Variants in UCHL3 observed in about 807,000 individuals in gnomAD.
UCHL3 encodes the protein ubiquitin C-terminal hydrolase L3.
Under a neutral mutation model 35.8 loss-of-function variants are expected in UCHL3, and 22 were observed. The observed-to-expected ratio is 0.61, with a 90% confidence interval of 0.44 to 0.88. The LOEUF is 0.88. Ranked by LOEUF, UCHL3 falls within the 40% of genes least tolerant of loss-of-function variation. The pLI is 0.00. For synonymous variants in UCHL3, 90 were observed against 92.8 expected (o/e 0.97, Z 0.17); for missense variants, 229 against 276.9 (o/e 0.83, Z 1.23).
At chr13:75,582,603 C>G (rs2032217188) in intron 6 of UCHL3, among the ~76,000 whole-genome samples, 1 of 152,188 alleles carries the variant, frequency 6.6e-6, no homozygotes, top group Admixed American at 6.5e-5. Flanking sequence ...AAAGTGAACT[C>G]TCTTTAAGAC....
intron 5 of UCHL3, among the ~76,000 whole-genome samples, chr13:75,567,770 A>G (rs1451043032): frequency 6.6e-6 from 1 of 151,838 alleles, no homozygotes; most frequent in Non-Finnish European, 1.5e-5. Context: ...CTGGTCTCGA[A>G]CTCCTGGCCT....
At chr13:75,600,292 G>T (rs1305341931) in intron 7 of UCHL3, among the ~76,000 whole-genome samples, 3 of 152,216 alleles carry the variant, frequency 2.0e-5, no homozygotes, top group African/African-American at 7.2e-5. Flanking sequence ...TTCCGTGAAG[G>T]TGGCTACGTA....
intron 6 of UCHL3, among the ~76,000 whole-genome samples, chr13:75,580,095 T>G (rs1014457491): frequency 1.3e-5 from 2 of 152,178 alleles, no homozygotes; most frequent in African/African-American, 4.8e-5. Context: ...GGCATCTTGA[T>G]TTATTAGGTG....
At position 75,590,595 on chromosome 13, in the gene UCHL3, TACTC is replaced by T. The variant is rs2032455914; in HGVS notation, c.475-4319_475-4316del. On this transcript the variant is annotated intron_variant, in intron 6 of 8. Coordinates refer to ENST00000377595, the MANE Select transcript of UCHL3 (RefSeq NM_006002.5). ...TGCCATGCTCTGGGGTTACTTTACT[TACTC>T]TATTCTCAATCTAAATCCTTCATGG... is the stretch of plus-strand genomic sequence containing the variant. Among the ~76,000 whole-genome samples the T allele has an allele frequency of 2.0e-5, 3 of 152,168 alleles. No homozygotes were observed. In the South Asian group the frequency reaches 6.2e-4, roughly 31 times the overall value.
intron 2 of UCHL3, among the ~76,000 whole-genome samples, chr13:75,557,220 A>G (rs2031322699): frequency 6.6e-6 from 1 of 152,130 alleles, no homozygotes; most frequent in Non-Finnish European, 1.5e-5. Flanking sequence ...TGTCTGAAAA[A>G]AAAAAAGGAA....
At chr13:75,592,458 A>AGCAGGAG (rs2032533268) in intron 6 of UCHL3, among the ~76,000 whole-genome samples, 1 of 117,620 alleles carries the variant, frequency 8.5e-6, no homozygotes. Context: ...ATATATATAT[A>AGCAGGAG]TATATATATG....
intron 6 of UCHL3, among the ~76,000 whole-genome samples, chr13:75,572,446 GT>G (rs749414290): frequency 6.6e-6 from 1 of 152,066 alleles, no homozygotes; most frequent in East Asian, 1.9e-4. Flanking sequence ...TCCCATCTTA[GT>G]GGTTCACAAA....
At chr13:75,552,332 A>G (rs952024819) in intron 2 of UCHL3, among the ~76,000 whole-genome samples, 1 of 152,222 alleles carries the variant, frequency 6.6e-6, no homozygotes, top group African/African-American at 2.4e-5. Context: ...TAACAGCAAT[A>G]TCCATCCCAC....
intron 6 of UCHL3, among the ~76,000 whole-genome samples, chr13:75,573,185 A>G (rs1593737030): frequency 1.3e-5 from 2 of 150,050 alleles, no homozygotes; most frequent in African/African-American, 4.9e-5. Context: ...AATCGCTTGA[A>G]CTCGGGAGGC....
chr13:75,587,067 A>G (rs1379495508), intron 6 of UCHL3, among the ~76,000 whole-genome samples: 1 of 151,058 alleles, frequency 6.6e-6, no homozygotes, highest in African/African-American at 2.4e-5. Context: ...CATAAAAGGT[A>G]GAAATAACAA....
chr13:75,598,570 G>C (rs1311550375), intron 7 of UCHL3, among the ~76,000 whole-genome samples: 2 of 152,114 alleles, frequency 1.3e-5, no homozygotes, highest in Admixed American at 1.3e-4. Flanking sequence ...TAAGAGTATA[G>C]GGCCAGTTAC....
chr13:75,587,035 AG>A (rs1185059036), intron 6 of UCHL3, among the ~76,000 whole-genome samples: 7 of 150,896 alleles, frequency 4.6e-5, no homozygotes, highest in Non-Finnish European at 1.0e-4. Flanking sequence ...AAAAAAAAAA[AG>A]AGCAAATTAA....
intron 3 of UCHL3, among the ~76,000 whole-genome samples, chr13:75,564,383 C>T (rs970460276): frequency 1.3e-5 from 2 of 151,986 alleles, no homozygotes; most frequent in Non-Finnish European, 2.9e-5. Context: ...ATCTCCTGAC[C>T]TCGTGATCCA....
At chr13:75,551,594 A>G (rs1230723577) in intron 2 of UCHL3, among the ~76,000 whole-genome samples, 2 of 152,230 alleles carry the variant, frequency 1.3e-5, no homozygotes, top group African/African-American at 4.8e-5. Flanking sequence ...AGCAATAAAT[A>G]TATAAAAAGT....
intron 5 of UCHL3, 121 bp downstream of exon 5, chr13:75,567,433 T>A: frequency 1.2e-6 from 1 of 817,934 alleles, no homozygotes; most frequent in Non-Finnish European, 2.0e-6. Flanking sequence ...TTGTATCCAT[T>A]AAGAAAAGCC....
chr13:75,598,738 CTT>C (rs2032705330), intron 7 of UCHL3, among the ~76,000 whole-genome samples: 1 of 152,272 alleles, frequency 6.6e-6, no homozygotes, highest in Admixed American at 6.5e-5. Flanking sequence ...TGTTTAGTGA[CTT>C]TTAGGTAGTT....
At chr13:75,562,535 GA>G (rs199942114) in intron 3 of UCHL3, among the ~76,000 whole-genome samples, 4 of 150,626 alleles carry the variant, frequency 2.7e-5, no homozygotes, top group African/African-American at 9.8e-5. Context: ...GTAAATAATT[GA>G]AAAAAAAATC....
At chr13:75,553,313 G>T (rs1009580241) in intron 2 of UCHL3, among the ~76,000 whole-genome samples, 3 of 152,112 alleles carry the variant, frequency 2.0e-5, no homozygotes, top group Admixed American at 1.3e-4. Flanking sequence ...ATTCATTCCT[G>T]TGTAGCTTGC....
intron 6 of UCHL3, among the ~76,000 whole-genome samples, chr13:75,578,893 G>A (rs2032102141): frequency 6.6e-6 from 1 of 151,950 alleles, no homozygotes; most frequent in Admixed American, 6.6e-5. Context: ...TTTAATTTAA[G>A]AAAATCCTCT....
Sources: gnomAD v4.1 joint callset for allele counts (sites outside exome capture counted in the v4.1 genomes callset) on GRCh38, gnomAD v4.1.1 for gene constraint, MANE v1.5 for transcripts, NCBI Gene and HGNC (gene_info 2026-07-23, HGNC 2026-07-21) for gene names.